Variants in UBAC2 observed in about 807,000 individuals in gnomAD.
UBAC2 encodes the protein UBA domain containing 2.
In UBAC2, 26 loss-of-function variants were observed where a neutral mutation model predicts 44.0. That is an observed-to-expected ratio of 0.59 (90% confidence interval 0.43 to 0.82). The LOEUF (loss-of-function observed/expected upper bound fraction) is 0.82. Among genes scored for constraint, UBAC2 ranks in the 40% least tolerant of loss-of-function variants. The pLI is 0.00. For missense variants in UBAC2, 329 were observed against 419.4 expected, an observed-to-expected ratio of 0.78 and a Z score of 1.88; for synonymous variants, 155 against 154.3, an observed-to-expected ratio of 1.00 and a Z score of -0.04.
intron 3 of UBAC2, 36 bp downstream of exon 3, chr13:99,243,987 C>T (rs1232759400): frequency 1.4e-6 from 2 of 1,470,500 alleles, no homozygotes; most frequent in Non-Finnish European, 1.8e-6. Context: ...GCTACTTAGG[C>T]TGTAGAAAAA....
At chr13:99,344,132 C>T (rs2044936636) in intron 7 of UBAC2, among the ~76,000 whole-genome samples, 2 of 152,194 alleles carry the variant, frequency 1.3e-5, no homozygotes, top group African/African-American at 4.8e-5. Flanking sequence ...TATATGTTAT[C>T]TCATTTATGC....
chr13:99,308,663 G>A (rs1945747679), intron 4 of UBAC2: 1 of 152,188 alleles, frequency 6.6e-6, no homozygotes, highest in South Asian at 2.1e-4. Flanking sequence ...AAATAGTCGA[G>A]TAGCTTTTGC....
intron 7 of UBAC2, among the ~76,000 whole-genome samples, chr13:99,354,815 A>G (rs1445626596): frequency 2.6e-5 from 4 of 152,086 alleles, no homozygotes; most frequent in African/African-American, 9.7e-5. Flanking sequence ...TGGATTGGGG[A>G]AATCTTACTG....
At chr13:99,282,896 T>C (rs570257314) in intron 4 of UBAC2, among the ~76,000 whole-genome samples, 1 of 152,364 alleles carries the variant, frequency 6.6e-6, no homozygotes, top group East Asian at 1.9e-4. Flanking sequence ...TGTTATGTGT[T>C]GAGTTCTGAA....
intron 4 of UBAC2, among the ~76,000 whole-genome samples, chr13:99,282,688 C>A (rs970977811): frequency 3.3e-5 from 5 of 152,176 alleles, no homozygotes; most frequent in African/African-American, 9.7e-5. Context: ...AACTTGAAGT[C>A]TGGTTGTATT....
At chr13:99,269,163 G>T (rs776382195) in intron 4 of UBAC2, among the ~76,000 whole-genome samples, 46 of 152,190 alleles carry the variant, frequency 3.0e-4, no homozygotes, top group Non-Finnish European at 5.6e-4. Context: ...CGAGGCAGGG[G>T]TGTTGCAGGA....
chr13:99,239,487 G>A (rs1363972470), intron 2 of UBAC2, among the ~76,000 whole-genome samples: 1 of 152,218 alleles, frequency 6.6e-6, no homozygotes, highest in Non-Finnish European at 1.5e-5. Context: ...CACAGAGTCT[G>A]GTGGTGGCGC....
chr13:99,315,938 G>T (rs180864727), intron 5 of UBAC2, among the ~76,000 whole-genome samples: 1 of 151,392 alleles, frequency 6.6e-6, no homozygotes, highest in Non-Finnish European at 1.5e-5. Flanking sequence ...AAGTAATTGC[G>T]GTTTTTGCCA....
At chr13:99,347,601 C>T (rs2045011328) in intron 7 of UBAC2, among the ~76,000 whole-genome samples, 1 of 151,980 alleles carries the variant, frequency 6.6e-6, no homozygotes, top group Non-Finnish European at 1.5e-5. Context: ...TTTTAGTCCA[C>T]TGTGTGGCAT....
At chr13:99,229,814 AAAT>A (rs1356491607) in intron 1 of UBAC2, among the ~76,000 whole-genome samples, 1 of 152,240 alleles carries the variant, frequency 6.6e-6, no homozygotes, top group Non-Finnish European at 1.5e-5. Context: ...GGAAATGAAA[AAAT>A]AGTAAAACAG....
At chr13:99,318,188 A>G in intron 6 of UBAC2, 119 bp downstream of exon 6, 3 of 962,794 alleles carry the variant, frequency 3.1e-6, no homozygotes, top group Non-Finnish European at 4.9e-6. Context: ...TTTTTTTGAG[A>G]CAGAATTTCA....
chr13:99,383,816 C>G (rs2045582995), intron 8 of UBAC2, among the ~76,000 whole-genome samples: 1 of 152,274 alleles, frequency 6.6e-6, no homozygotes, highest in South Asian at 2.1e-4. Flanking sequence ...TGTTGGCCCT[C>G]AACTCTTCCC....
intron 4 of UBAC2, chr13:99,255,774 G>A: frequency 3.7e-6 from 6 of 1,613,834 alleles, no homozygotes; most frequent in Non-Finnish European, 5.1e-6. Context: ...ATCCAATTAT[G>A]AAGATACAGC....
At chr13:99,300,612 G>A (rs1346381536) in intron 4 of UBAC2, among the ~76,000 whole-genome samples, 1 of 152,146 alleles carries the variant, frequency 6.6e-6, no homozygotes, top group East Asian at 1.9e-4. Flanking sequence ...CTTGAATTAA[G>A]TCCATTCTTT....
chr13:99,235,575 A>G (rs1169414971), intron 1 of UBAC2, among the ~76,000 whole-genome samples: 2 of 152,170 alleles, frequency 1.3e-5, no homozygotes, highest in Non-Finnish European at 1.5e-5. Flanking sequence ...AAAAACAGAC[A>G]CATAGACCAG....
chr13:99,305,488 T>C lies in UBAC2; in HGVS notation c.390-8609T>C, dbSNP rs556494512. 6.6e-5 allele frequency among the ~76,000 whole-genome samples: 10 copies of C among 152,340 alleles called. No individual in the cohort carries two copies. In the East Asian group the frequency reaches 1.7e-3, roughly 26 times the overall value. On this transcript the variant is annotated intron_variant, in intron 4 of 8. Transcript: ENST00000403766. ...GTGCGAAGCTCTTTTAAATGTAAGCTTCTTGAGGATGATGACTTGATCTCA... is the reference window on the plus strand; with the variant it reads ...GTGCGAAGCTCTTTTAAATGTAAGCCTCTTGAGGATGATGACTTGATCTCA...
chr13:99,224,381 A>C (rs1435216203), intron 1 of UBAC2, among the ~76,000 whole-genome samples: 1 of 152,152 alleles, frequency 6.6e-6, no homozygotes. Context: ...CAACATACAA[A>C]TTTTAGGAGG....
At chr13:99,312,563 A>C (rs761493082) in intron 4 of UBAC2, among the ~76,000 whole-genome samples, 6 of 152,168 alleles carry the variant, frequency 3.9e-5, no homozygotes, top group Admixed American at 6.5e-5. Context: ...TTACCGTGAC[A>C]TCCTTGGCAC....
intron 1 of UBAC2, among the ~76,000 whole-genome samples, chr13:99,232,477 T>G (rs1271672122): frequency 6.8e-6 from 1 of 147,218 alleles, no homozygotes; most frequent in African/African-American, 2.4e-5. Context: ...AAAGGTATCT[T>G]AAACTTCGCC....
Sources: gnomAD v4.1 joint callset for allele counts (sites outside exome capture counted in the v4.1 genomes callset) on GRCh38, gnomAD v4.1.1 for gene constraint, MANE v1.5 for transcripts, NCBI Gene and HGNC (gene_info 2026-07-23, HGNC 2026-07-21) for gene names.